Variants in HPSE2 observed in about 807,000 individuals in gnomAD.
HPSE2 encodes the protein inactive heparanase-2.
A neutral mutation model predicts 60.5 loss-of-function variants in HPSE2; 38 were observed. The observed-to-expected ratio is 0.63, with a 90% CI of 0.48 to 0.82. HPSE2 has a LOEUF of 0.82. Among genes scored for constraint, HPSE2 ranks in the 40% least tolerant of loss-of-function variants. The probability of loss-of-function intolerance (pLI) is 0.00; values close to 1 mark genes in which losing one functional copy is unlikely to be tolerated. For missense variants in HPSE2, 713 were observed against 740.4 expected, an observed-to-expected ratio of 0.96 and a Z score of 0.43; for synonymous variants, 295 against 293.2, an observed-to-expected ratio of 1.01 and a Z score of -0.06.
intron 9 of HPSE2, among the ~76,000 whole-genome samples, chr10:98,590,232 G>T (rs1945051456): frequency 6.6e-6 from 1 of 152,210 alleles, no homozygotes; most frequent in South Asian, 2.1e-4. Flanking sequence ...CACGAGGTCA[G>T]GAGATTGAGA....
the HPSE2 span, among the ~76,000 whole-genome samples, chr10:99,276,877 AATATTTGAGC>A: frequency 6.6e-6 from 1 of 152,228 alleles, no homozygotes; most frequent in Non-Finnish European, 1.5e-5. Context: ...CTACTATAAT[AATATTTGAGC>A]ATATTTGTAA....
chr10:98,600,852 ATAT>A (rs1376164716), intron 9 of HPSE2, among the ~76,000 whole-genome samples: 8 of 142,308 alleles, frequency 5.6e-5, no homozygotes, highest in African/African-American at 1.3e-4. Flanking sequence ...ATACACACAC[ATAT>A]TATATATATA....
At chr10:98,622,955 T>A (rs1366533242) in intron 7 of HPSE2, among the ~76,000 whole-genome samples, 1 of 152,184 alleles carries the variant, frequency 6.6e-6, no homozygotes. Flanking sequence ...CATCTATGAT[T>A]TCCCTTAAAA....
At chr10:98,758,242 A>G (rs1949923772) in intron 3 of HPSE2, among the ~76,000 whole-genome samples, 1 of 152,072 alleles carries the variant, frequency 6.6e-6, no homozygotes, top group Non-Finnish European at 1.5e-5. Context: ...ACCCTAGAAA[A>G]AGACCTAGGA....
At chr10:99,208,293 A>C (rs368138759) in intron 2 of HPSE2, among the ~76,000 whole-genome samples, 7 of 152,274 alleles carry the variant, frequency 4.6e-5, no homozygotes, top group African/African-American at 1.7e-4. Context: ...AGAAAGAAAC[A>C]AACAAAACTA....
chr10:98,564,349 G>A (rs1322108901), intron 9 of HPSE2, among the ~76,000 whole-genome samples: 1 of 152,166 alleles, frequency 6.6e-6, no homozygotes, highest in Non-Finnish European at 1.5e-5. Context: ...ATGTGTAATA[G>A]TAGTACTAAA....
intron 2 of HPSE2, among the ~76,000 whole-genome samples, chr10:99,155,815 G>A (rs1466210348): frequency 1.3e-5 from 2 of 150,748 alleles, no homozygotes; most frequent in South Asian, 2.1e-4. Flanking sequence ...GAATCCAGGA[G>A]CTGGTTTTTT....
intron 3 of HPSE2, among the ~76,000 whole-genome samples, chr10:98,949,806 A>G (rs892202668): frequency 1.6e-4 from 24 of 152,290 alleles, no homozygotes; most frequent in African/African-American, 5.8e-4. Context: ...GCCTGGAAGC[A>G]CATGTGTTTT....
At chr10:99,286,952 T>C in the HPSE2 span, among the ~76,000 whole-genome samples, 1 of 152,178 alleles carries the variant, frequency 6.6e-6, no homozygotes, top group South Asian at 2.1e-4. Flanking sequence ...CAGTAAGCAG[T>C]GATGCATAGA....
intron 3 of HPSE2, chr10:98,924,482 G>A (rs911204747): frequency 6.6e-6 from 1 of 152,292 alleles, no homozygotes. Flanking sequence ...GCTAAGTTGA[G>A]GGAAAGGAAG....
chr10:98,849,491 C>A (rs1952116327), intron 3 of HPSE2, among the ~76,000 whole-genome samples: 3 of 152,112 alleles, frequency 2.0e-5, no homozygotes, highest in Admixed American at 2.0e-4. Flanking sequence ...AAAGACAATA[C>A]ATTTCAGGGT....
rs536737723 is a variant in HPSE2, at chr10:98,601,581, G to A, written c.1320+13323C>T. ...GACTTATGTCTTCTGATAAAAAGTA[G>A]TTTCTGCAGCTACTTACACAGGCAA... On this transcript the variant is annotated intron_variant, in intron 9 of 11. Coordinates refer to ENST00000370552, the MANE Select transcript of HPSE2 (RefSeq NM_021828.5). Among the ~76,000 whole-genome samples, 13 of 152,318 alleles carry A rather than the reference G, an allele frequency of 8.5e-5. No individual in the cohort carries two copies. The South Asian group carries it at 2.7e-3, about 32-fold the overall frequency.
chr10:99,219,161 G>C (rs966902073), intron 2 of HPSE2, among the ~76,000 whole-genome samples: 2 of 152,174 alleles, frequency 1.3e-5, no homozygotes, highest in Non-Finnish European at 2.9e-5. Flanking sequence ...GATAGCTAAT[G>C]AATGTCTGCA....
chr10:99,035,107 C>T (rs1270958465), intron 3 of HPSE2, among the ~76,000 whole-genome samples: 1 of 152,242 alleles, frequency 6.6e-6, no homozygotes, highest in Non-Finnish European at 1.5e-5. Flanking sequence ...TTTCTCTCTT[C>T]AATAACAAAT....
intron 3 of HPSE2, among the ~76,000 whole-genome samples, chr10:98,943,191 G>A (rs531700229): frequency 5.3e-5 from 8 of 150,878 alleles, no homozygotes; most frequent in African/African-American, 1.2e-4. Flanking sequence ...TGTAACTAAC[G>A]TGCACATTGT....
chr10:98,997,731 C>T (rs7082050), intron 3 of HPSE2, among the ~76,000 whole-genome samples: 15,535 of 152,214 alleles, frequency 0.1, 855 homozygotes, highest in South Asian at 0.18. Context: ...ACATTTCATG[C>T]GCACTAAAGT....
intron 3 of HPSE2, among the ~76,000 whole-genome samples, chr10:98,910,746 T>A (rs1477961492): frequency 6.6e-6 from 1 of 152,168 alleles, no homozygotes; most frequent in Admixed American, 6.5e-5. Flanking sequence ...AGAATAGAGA[T>A]CTTGAACTCA....
At chr10:98,872,200 A>C (rs1952752323) in intron 3 of HPSE2, among the ~76,000 whole-genome samples, 1 of 152,046 alleles carries the variant, frequency 6.6e-6, no homozygotes, top group Non-Finnish European at 1.5e-5. Context: ...TTTTCCCCTC[A>C]CTAAGAAATG....
chr10:98,698,268 A>T (rs1360160872), intron 5 of HPSE2, among the ~76,000 whole-genome samples: 20 of 93,430 alleles, frequency 2.1e-4, no homozygotes, highest in Admixed American at 9.0e-4. Context: ...AATGTAAAAG[A>T]TCAGAAATTA....
Sources: gnomAD v4.1 joint callset for allele counts (sites outside exome capture counted in the v4.1 genomes callset) on GRCh38, gnomAD v4.1.1 for gene constraint, MANE v1.5 for transcripts, NCBI Gene and HGNC (gene_info 2026-07-23, HGNC 2026-07-21) for gene names.